The following PDLIM3 variants were observed in gnomAD, a reference collection of about 807,000 sequenced individuals.
The protein encoded by PDLIM3 is PDZ and LIM domain 3.
PDLIM3 carries 36 observed loss-of-function variants against 37.3 expected under a neutral mutation model. The observed-to-expected ratio is 0.97, with a 90% CI of 0.74 to 1.28. PDLIM3 has a LOEUF of 1.28. Among genes scored for constraint, PDLIM3 ranks in the 50% most tolerant of loss-of-function variants. PDLIM3 has a pLI of 0.00. For missense variants in PDLIM3, 454 were observed against 485.0 expected, an observed-to-expected ratio of 0.94 and a Z score of 0.60; for synonymous variants, 174 against 182.4, an observed-to-expected ratio of 0.95 and a Z score of 0.37.
intron 2 of PDLIM3, among the ~76,000 whole-genome samples, chr4:185,524,366 G>GA (rs1375201660): frequency 6.6e-6 from 1 of 152,142 alleles, no homozygotes; most frequent in Non-Finnish European, 1.5e-5. Flanking sequence ...ATCATAACAG[G>GA]ATAAACACAC....
chr4:185,519,939 G>A (rs985574539), intron 3 of PDLIM3, among the ~76,000 whole-genome samples: 3 of 152,076 alleles, frequency 2.0e-5, no homozygotes, highest in South Asian at 2.1e-4. Context: ...TAACTGACAC[G>A]TATTTGCTGT....
chr4:185,523,562 A>G, intron 2 of PDLIM3, 116 bp from the exon 3 acceptor site: 1 of 557,418 alleles, frequency 1.8e-6, no homozygotes, highest in Non-Finnish European at 3.0e-6. Flanking sequence ...AACTTATGCA[A>G]AAACAATTTT....
At chr4:185,520,586 C>T (rs1460283625) in intron 3 of PDLIM3, among the ~76,000 whole-genome samples, 1 of 33,670 alleles carries the variant, frequency 3.0e-5, no homozygotes, top group Admixed American at 5.0e-4. Flanking sequence ...AAAATCCCAT[C>T]CTTAGAATAA....
Position 185,502,112 on chromosome 4 carries a change from TCACATAGCAGG to T in PDLIM3, c.*171_*181del. On this transcript the variant is annotated 3_prime_UTR_variant, in exon 8 of 8. Transcript: ENST00000284767. ...AAACATAGCTAAGTGTATGTTTTTT[TCACATAGCAGG>T]CATTTGCCTCCCATTCCTTTTCCTC... 1 of 667,148 alleles carries T rather than the reference TCACATAGCAGG, an allele frequency of 1.5e-6. No individual in the cohort carries two copies. Among genetic ancestry groups the T allele is most frequent in the Non-Finnish European group, 2.7e-6 (1 of 377,212 alleles). 41.3% of individuals were successfully genotyped at this position (667,148 alleles called of 1,614,324 possible). A position where few individuals can be genotyped will look rare whatever the true frequency, so the allele number is the denominator to read the frequency against.
intron 3 of PDLIM3, among the ~76,000 whole-genome samples, chr4:185,521,553 A>G (rs6836357): frequency 0.027 from 1,742 of 64,194 alleles, 366 homozygotes; most frequent in African/African-American, 0.047. Context: ...GTGTACCAAC[A>G]TGCCCTGGTT....
intron 4 of PDLIM3, among the ~76,000 whole-genome samples, chr4:185,510,875 A>G (rs1409125462): frequency 6.6e-6 from 1 of 152,246 alleles, no homozygotes; most frequent in Non-Finnish European, 1.5e-5. Context: ...GATCTTTTAA[A>G]CTGATCCTTT....
At chr4:185,532,577 G>A (rs190977319) in intron 1 of PDLIM3, among the ~76,000 whole-genome samples, 2 of 152,228 alleles carry the variant, frequency 1.3e-5, no homozygotes, top group Admixed American at 6.5e-5. Flanking sequence ...TCCAGAGGGC[G>A]GTACCACTGC....
intron 4 of PDLIM3, among the ~76,000 whole-genome samples, chr4:185,508,814 C>G (rs919309978): frequency 2.6e-5 from 4 of 152,144 alleles, no homozygotes; most frequent in African/African-American, 9.7e-5. Context: ...TTTTTTGGCT[C>G]TGTTTCACTA....
At chr4:185,523,621 C>T (rs1020764444) in intron 2 of PDLIM3, among the ~76,000 whole-genome samples, 175 bp from the exon 3 acceptor site, 13 of 151,024 alleles carry the variant, frequency 8.6e-5, no homozygotes, top group African/African-American at 1.5e-4. Flanking sequence ...GTCTTCCCCC[C>T]CCCTTTTTTT....
intron 3 of PDLIM3, 111 bp downstream of exon 3, chr4:185,523,251 C>T (rs2095725717): frequency 2.8e-6 from 2 of 716,834 alleles, no homozygotes; most frequent in Non-Finnish European, 5.1e-6. Context: ...CAGACAACAG[C>T]TTCATAGGTG....
At chr4:185,506,411 A>G (rs1307447981) in intron 6 of PDLIM3, 111 bp downstream of exon 6, 33 of 1,468,484 alleles carry the variant, frequency 2.2e-5, no homozygotes, top group African/African-American at 5.5e-5. Context: ...TTGGCTCCCA[A>G]TGAAAACCAA....
rs1340679785 is a variant in PDLIM3 at position 185,514,927 on chromosome 4, G to T, written c.331-590C>A. ...CAGACAAAATACACAGCCACACAGC[G>T]CACAAGAAAGCCATTAGTGAGCGAA... On this transcript the variant is annotated intron_variant, in intron 3 of 7. Coordinates refer to ENST00000284767, the MANE Select transcript of PDLIM3 (RefSeq NM_014476.6). The surrounding 1 kb of genome is among the most constrained non-coding windows in gnomAD (Gnocchi z 4.0). 6.7e-7 allele frequency: 1 copy of T among 1,501,828 alleles called. No individual in the cohort carries two copies. The highest frequency in any genetic ancestry group is 9.0e-7 in the Non-Finnish European group (1 of 1,114,908). The allele number at this position is 1,501,828 out of a possible 1,614,324, so 93.0% of individuals were successfully genotyped here. A position where few individuals can be genotyped will look rare whatever the true frequency, so the allele number is the denominator to read the frequency against.
chr4:185,530,602 T>C (rs2095742317), intron 1 of PDLIM3, among the ~76,000 whole-genome samples: 1 of 152,186 alleles, frequency 6.6e-6, no homozygotes, highest in Non-Finnish European at 1.5e-5. Flanking sequence ...CCTCCCCTTA[T>C]TCACGGTTTT....
At chr4:185,506,359 C>T (rs149818926) in intron 6 of PDLIM3, among the ~76,000 whole-genome samples, 163 bp downstream of exon 6, 26 of 152,250 alleles carry the variant, frequency 1.7e-4, no homozygotes, top group Admixed American at 1.2e-3. Context: ...CTTTTTTAAA[C>T]GAGGCACCAT....
Position 185,523,381 on chromosome 4 carries a change from T to C in PDLIM3, c.311A>G (p.Asn104Ser), listed in dbSNP as rs2095726042. The C allele has an allele frequency of 2.5e-6, 4 of 1,610,182 alleles. No homozygotes were observed. The highest frequency in any genetic ancestry group is 1.3e-5 in the African/African-American group (1 of 74,832). ...GCATACCTGTGGTTCTGATTCTAAG[T>C]TGATTTTGAAAGGATGGGCTTTCCC... Reference protein sequence around the residue: ...EDGKAHPFKINLESEPQDGNY... With the variant: ...EDGKAHPFKISLESEPQDGNY... Residue 104 changes from asparagine to serine, a missense_variant, in exon 3 of 8, where the codon AAC becomes AGC. Physicochemically the swap from Asn to Ser is conservative, Grantham distance 46 (BLOSUM62 1). Coordinates refer to ENST00000284767, the MANE Select transcript of PDLIM3 (RefSeq NM_014476.6).
At position 185,508,335 on chromosome 4, in the gene PDLIM3, T is replaced by C; in HGVS notation, c.626A>G (p.Gln209Arg). ...DDNIMETLQG[Q>R]VSTALGETPL... ...TGTTTCCCCTAGGGCTGTTGAAACC[T>C]GACCCTGGAGTGTTTCCATAATATT... The change falls in exon 5 of 8, where the codon CAG becomes CGG. Residue 209 changes from glutamine to arginine, a missense_variant. Coordinates refer to ENST00000284767, the MANE Select transcript of PDLIM3 (RefSeq NM_014476.6). 1 of 1,614,150 alleles carries C rather than the reference T, an allele frequency of 6.2e-7. No homozygotes were observed. Among genetic ancestry groups the C allele is most frequent in the Non-Finnish European group, 8.5e-7 (1 of 1,179,974 alleles).
intron 4 of PDLIM3, chr4:185,513,473 A>T (rs1158809023): frequency 4.2e-6 from 4 of 954,720 alleles, no homozygotes; most frequent in Non-Finnish European, 5.0e-6. Flanking sequence ...GTGCATTTTG[A>T]CAAGATGGTG....
intron 6 of PDLIM3, 31 bp downstream of exon 6, chr4:185,506,491 T>G (rs2095697510): frequency 6.2e-7 from 1 of 1,612,984 alleles, no homozygotes; most frequent in African/African-American, 1.3e-5. Context: ...CCTCTATCAA[T>G]ACGTTTCAGC....
chr4:185,505,605 G>A lies in PDLIM3; in HGVS notation c.793+917C>T, dbSNP rs189891783. Reference sequence around the variant, plus strand: ...CACTCACTCTAGCCTGGGCAACAGAGCAAGACTCCATCTCAAAAAAGAAAA... The same window carrying A: ...CACTCACTCTAGCCTGGGCAACAGAACAAGACTCCATCTCAAAAAAGAAAA... On this transcript the variant is annotated intron_variant, in intron 6 of 7. Coordinates refer to ENST00000284767, the MANE Select transcript of PDLIM3 (RefSeq NM_014476.6). 1.1e-4 allele frequency among the ~76,000 whole-genome samples: 16 copies of A among 146,524 alleles called. No homozygotes were observed. The East Asian group carries it at 2.8e-3, about 26-fold the overall frequency.
Sources: allele counts gnomAD v4.1 joint callset (sites outside exome capture counted in the v4.1 genomes callset), GRCh38; gene constraint gnomAD v4.1.1; non-coding constraint Gnocchi (gnomAD v3.1); transcripts MANE v1.5; gene names NCBI Gene and HGNC (gene_info 2026-07-23, HGNC 2026-07-21).